CDH4: variants seen among roughly 807,000 people sequenced by gnomAD.
CDH4 encodes cadherin 4, also known as cadherin-4.
Under a neutral mutation model 86.0 loss-of-function variants are expected in CDH4, and 33 were observed. The ratio of observed to expected loss-of-function variants is 0.38; its 90% CI spans 0.29 to 0.51. The LOEUF is 0.51. Ranked by LOEUF, CDH4 falls within the 20% of genes least tolerant of loss-of-function variation. The pLI is 0.86. For synonymous variants in CDH4, 555 were observed against 549.4 expected (o/e 1.01, Z -0.14); for missense variants, 1,114 against 1,307.4 (o/e 0.85, Z 2.28).
chr20:61,388,550 A>C (rs1481441687), intron 2 of CDH4, among the ~76,000 whole-genome samples: 1 of 152,106 alleles, frequency 6.6e-6, no homozygotes, highest in African/African-American at 2.4e-5. Flanking sequence ...ACATCCCCTC[A>C]TAGGCTCCAC....
intron 4 of CDH4, among the ~76,000 whole-genome samples, chr20:61,783,793 A>C (rs867125946): frequency 0.015 from 812 of 53,672 alleles, 66 homozygotes; most frequent in African/African-American, 0.027. Flanking sequence ...CGAGGCCCTC[A>C]GGTGTCTTGT....
In CDH4 at chr20:61,655,253, G is replaced by A. The variant is rs561326883; in HGVS notation, c.170-88310G>A. 2.0e-5 allele frequency among the ~76,000 whole-genome samples: 3 copies of A among 152,258 alleles called. No individual in the cohort carries two copies. In the South Asian group the frequency reaches 6.2e-4, roughly 32 times the overall value. The stretch of plus-strand genomic sequence containing the variant: ...TCACCAAGGGTCCTTCTCAGGGTTG[G>A]GATTGTGAGTGTAATTTTTGTGCTT... On this transcript the variant is annotated intron_variant, in intron 2 of 15. Coordinates refer to ENST00000614565, the MANE Select transcript of CDH4 (RefSeq NM_001794.5).
At chr20:61,357,092 A>G (rs2084754439) in intron 2 of CDH4, among the ~76,000 whole-genome samples, 1 of 152,108 alleles carries the variant, frequency 6.6e-6, no homozygotes, top group Non-Finnish European at 1.5e-5. Flanking sequence ...TGTGCCCCCA[A>G]CCTCCGCCCA....
At chr20:61,906,776 G>A (rs1447832750) in intron 8 of CDH4, among the ~76,000 whole-genome samples, 1 of 151,558 alleles carries the variant, frequency 6.6e-6, no homozygotes, top group Non-Finnish European at 1.5e-5. Flanking sequence ...GGGGCAAGAC[G>A]GTGTCCCCAG....
At chr20:61,425,303 G>A (rs1156874605) in intron 2 of CDH4, among the ~76,000 whole-genome samples, 2 of 152,166 alleles carry the variant, frequency 1.3e-5, no homozygotes, top group East Asian at 3.9e-4. Context: ...CCGGAGAGCA[G>A]TGGCACCCTG....
intron 2 of CDH4, among the ~76,000 whole-genome samples, chr20:61,359,471 A>G (rs2084772046): frequency 6.6e-6 from 1 of 152,188 alleles, no homozygotes; most frequent in Admixed American, 6.5e-5. Context: ...GGCCGCCTGG[A>G]CAGGAGGAGG....
At chr20:61,752,796 G>A (rs540235604) in intron 3 of CDH4, among the ~76,000 whole-genome samples, 47 of 152,286 alleles carry the variant, frequency 3.1e-4, no homozygotes, top group African/African-American at 9.6e-4. Context: ...CGTGTCAGCC[G>A]AGTGACCGCA....
At chr20:61,281,199 CGT>C (rs1314927640) in intron 2 of CDH4, among the ~76,000 whole-genome samples, 1 of 152,112 alleles carries the variant, frequency 6.6e-6, no homozygotes, top group Non-Finnish European at 1.5e-5. Flanking sequence ...CACCAAGGGC[CGT>C]GGTCTCAATG....
At position 61,454,848 on chromosome 20, in the gene CDH4, C is replaced by T. The variant is rs989012197; in HGVS notation, c.169+199911C>T. ...TACCTGGTGTTCGTTTTCCCCACTA[C>T]GGGGGGCAGTGGTGCAGGAGTGGTT... is the stretch of plus-strand genomic sequence containing the variant. On this transcript the variant is annotated intron_variant, in intron 2 of 15. Transcript: ENST00000614565. Among the ~76,000 whole-genome samples, 9 of 152,202 alleles carry T rather than the reference C, an allele frequency of 5.9e-5. No individual in the cohort carries two copies. In the South Asian group the frequency reaches 1.2e-3, roughly 21 times the overall value.
At chr20:61,445,156 G>T (rs2145539224) in intron 2 of CDH4, among the ~76,000 whole-genome samples, 1 of 152,196 alleles carries the variant, frequency 6.6e-6, no homozygotes, top group African/African-American at 2.4e-5. Flanking sequence ...AAGAATCCCA[G>T]CCTGACCCTG....
chr20:61,627,368 C>G (rs569382177), intron 2 of CDH4, among the ~76,000 whole-genome samples: 6 of 152,286 alleles, frequency 3.9e-5, no homozygotes, highest in Admixed American at 6.5e-5. Context: ...AGGTCTCCCC[C>G]TTGGCACAGT....
chr20:61,427,626 C>A (rs1348480254), intron 2 of CDH4, among the ~76,000 whole-genome samples: 1 of 152,002 alleles, frequency 6.6e-6, no homozygotes, highest in East Asian at 1.9e-4. Flanking sequence ...GTTTCCTGAG[C>A]AGGATTCTCT....
chr20:61,853,401 A>T (rs1982831428), intron 6 of CDH4, among the ~76,000 whole-genome samples: 2 of 152,020 alleles, frequency 1.3e-5, no homozygotes, highest in Admixed American at 1.3e-4. Flanking sequence ...GCAAAACGGG[A>T]AGCGAGAGAG....
At chr20:61,572,190 C>T (rs1294376382) in intron 2 of CDH4, among the ~76,000 whole-genome samples, 2 of 152,216 alleles carry the variant, frequency 1.3e-5, no homozygotes, top group African/African-American at 4.8e-5. Context: ...CCAGTCATAT[C>T]AGCTCCGTGT....
chr20:61,600,644 C>T (rs1173535007), intron 2 of CDH4, among the ~76,000 whole-genome samples: 3 of 152,178 alleles, frequency 2.0e-5, no homozygotes, highest in Non-Finnish European at 4.4e-5. Flanking sequence ...CAGGCCCGCC[C>T]CCAGGGGTAT....
intron 2 of CDH4, among the ~76,000 whole-genome samples, chr20:61,342,626 CCCAACAGG>C: frequency 6.6e-6 from 1 of 152,340 alleles, no homozygotes; most frequent in East Asian, 1.9e-4. Flanking sequence ...CAGCCCTGTT[CCCAACAGG>C]CCACAGACCA....
At chr20:61,384,520 C>G (rs6061264) in intron 2 of CDH4, among the ~76,000 whole-genome samples, 37,456 of 152,040 alleles carry the variant, frequency 0.25, 5,001 homozygotes, top group African/African-American at 0.34. Context: ...GTCCTGCAAA[C>G]CAGTCTTTTC....
At chr20:61,311,061 G>A (rs900712903) in intron 2 of CDH4, among the ~76,000 whole-genome samples, 1 of 152,188 alleles carries the variant, frequency 6.6e-6, no homozygotes, top group Non-Finnish European at 1.5e-5. Context: ...TGGTGTCCTG[G>A]TCCTCCTCGT....
At chr20:61,577,232 A>G (rs1241212459) in intron 2 of CDH4, among the ~76,000 whole-genome samples, 2 of 148,376 alleles carry the variant, frequency 1.3e-5, no homozygotes, top group African/African-American at 5.1e-5. Context: ...ATGAGTGGAT[A>G]TGTATTGAAG....
Sources: gnomAD v4.1 joint callset for allele counts (sites outside exome capture counted in the v4.1 genomes callset) on GRCh38, gnomAD v4.1.1 for gene constraint, MANE v1.5 for transcripts, NCBI Gene and HGNC (gene_info 2026-07-23, HGNC 2026-07-21) for gene names.